WDR19: variants seen among roughly 807,000 people sequenced by gnomAD.
The protein encoded by WDR19 is WD repeat-containing protein 19.
WDR19 carries 121 observed loss-of-function variants against 180.0 expected under a neutral mutation model. The observed-to-expected ratio is 0.67, with a 90% confidence interval of 0.58 to 0.78. The LOEUF (loss-of-function observed/expected upper bound fraction) is 0.78. Among genes scored for constraint, WDR19 ranks in the 30% least tolerant of loss-of-function variants. The pLI, the probability that WDR19 is intolerant of heterozygous loss-of-function variation, is 0.00. For synonymous variants in WDR19, 497 were observed against 540.7 expected (o/e 0.92, Z 1.12); for missense variants, 1,450 against 1,640.7 (o/e 0.88, Z 2.01).
chr4:39,277,727 A>C (rs1736039182), intron 34 of WDR19, among the ~76,000 whole-genome samples: 1 of 152,170 alleles, frequency 6.6e-6, no homozygotes, highest in African/African-American at 2.4e-5. Flanking sequence ...TATAATTTAG[A>C]GGTCTGACTT....
intron 1 of WDR19, 74 bp downstream of exon 1, chr4:39,182,637 A>G (rs916745475): frequency 1.9e-6 from 3 of 1,598,836 alleles, no homozygotes; most frequent in African/African-American, 1.3e-5. Flanking sequence ...TTAAAAGAGG[A>G]TATCTGTCCC....
intron 15 of WDR19, among the ~76,000 whole-genome samples, chr4:39,227,054 A>G (rs1577930119): frequency 6.6e-6 from 1 of 152,194 alleles, no homozygotes; most frequent in Non-Finnish European, 1.5e-5. Flanking sequence ...TGAATATAAA[A>G]AAAGTAATGA....
In WDR19 at chr4:39,209,339, G is replaced by A. The variant is rs958483975; in HGVS notation, c.890+3603G>A. ...AAATACGTGGGAGGCAGCTAAAGCA[G>A]CCTAGAAGAAAATTTATAGCACTAA... is the stretch of plus-strand genomic sequence containing the variant. On this transcript the variant is annotated intron_variant, in intron 9 of 36. Coordinates refer to ENST00000399820, the MANE Select transcript of WDR19 (RefSeq NM_025132.4). Among the ~76,000 whole-genome samples the A allele has an allele frequency of 7.2e-5, 11 of 152,176 alleles. No homozygotes were observed. In the South Asian group the frequency reaches 2.3e-3, roughly 32 times the overall value.
chr4:39,273,816 T>G (rs1410475049), intron 32 of WDR19: 2 of 152,244 alleles, frequency 1.3e-5, no homozygotes, highest in Admixed American at 1.3e-4. Context: ...ACAAGCACGG[T>G]AGGACGTTGC....
At chr4:39,229,281 CTT>C (rs1391731461) in intron 17 of WDR19, among the ~76,000 whole-genome samples, 3 of 152,110 alleles carry the variant, frequency 2.0e-5, no homozygotes, top group Non-Finnish European at 2.9e-5. Context: ...GTGCAGGTGT[CTT>C]TTTGATAAAA....
At chr4:39,266,015 TCGGTTTAAGATG>T (rs1183596097) in intron 28 of WDR19, 36 bp from the exon 29 acceptor site, 4 of 1,486,606 alleles carry the variant, frequency 2.7e-6, no homozygotes, top group Non-Finnish European at 2.8e-6. Flanking sequence ...CCACTCTTGC[TCGGTTTAAGATG>T]CTGAATTTGC....
At chr4:39,241,538 C>G (rs1731950265) in intron 21 of WDR19, among the ~76,000 whole-genome samples, 1 of 148,948 alleles carries the variant, frequency 6.7e-6, no homozygotes, top group East Asian at 2.0e-4. Flanking sequence ...CACAGTGGCT[C>G]ACGCTGGTAA....
chr4:39,269,992 A>G lies in WDR19; in HGVS notation c.3375A>G (p.Ala1125=), dbSNP rs947414888. 6.8e-6 allele frequency: 11 copies of G among 1,613,774 alleles called. No homozygotes were observed. The Admixed American group carries it at 8.3e-5, about 12-fold the overall frequency. The change falls in exon 31 of 37, where the codon GCA becomes GCG. Residue 1125 remains alanine, a synonymous_variant. Transcript: ENST00000399820. ...EEQSAGNYRN[A]HDVLFSMYAE... The stretch of plus-strand genomic sequence containing the variant: ...TTTTTCAAGGCAACTACCGGAATGC[A>G]CACGATGTTCTCTTCAGTATGTATG...
At chr4:39,227,670 T>C (rs913076384) in intron 15 of WDR19, among the ~76,000 whole-genome samples, 8 of 152,212 alleles carry the variant, frequency 5.3e-5, no homozygotes, top group Admixed American at 2.0e-4. Context: ...CTGTGGGTTT[T>C]GCTATCCGTG....
chr4:39,245,447 T>G lies in WDR19; in HGVS notation c.2724T>G (p.Asp908Glu), dbSNP rs755482179. 2.5e-6 allele frequency: 4 copies of G among 1,613,324 alleles called. No homozygotes were observed. Among genetic ancestry groups the G allele is most frequent in the Non-Finnish European group, 3.4e-6 (4 of 1,179,580 alleles). The change falls in exon 24 of 37, where the codon GAT (aspartate) becomes GAG (glutamate). Residue 908 changes from aspartate to glutamate, a missense_variant. Asp to Glu is a conservative substitution (Grantham distance 45). Coordinates refer to ENST00000399820, the MANE Select transcript of WDR19 (RefSeq NM_025132.4). ...AGTATGCCAAAGCCAAGGAAGCAGA[T>G]GGAAGGTTTGTACACTTTCTCAAAT... Reference protein sequence around the residue: ...HLQYAKAKEADGRYKEAVVAY... With the variant: ...HLQYAKAKEAEGRYKEAVVAY...
chr4:39,285,669 G>A lies in WDR19; in HGVS notation c.*196G>A, dbSNP rs1737128157. On this transcript the variant is annotated 3_prime_UTR_variant, in exon 37 of 37. Transcript: ENST00000399820. ...GTAACCTTGCTGTTTATTGTACTTT[G>A]TATATTATTTCCTCTTCAAAGTCTT... 6.6e-6 allele frequency: 1 copy of A among 152,140 alleles called. No homozygotes were observed. The highest frequency in any genetic ancestry group is 2.4e-5 in the African/African-American group (1 of 41,430). 9.4% of individuals were successfully genotyped at this position (152,140 alleles called of 1,614,324 possible).
At chr4:39,228,801 AG>A in intron 17 of WDR19, 111 bp downstream of exon 17, 1 of 1,268,006 alleles carries the variant, frequency 7.9e-7, no homozygotes, top group South Asian at 2.0e-5. Context: ...TATCCTTGCA[AG>A]AATTTTTTTT....
At chr4:39,185,652 A>T (rs964126603) in intron 1 of WDR19, 74 bp from the exon 2 acceptor site, 24 of 1,368,602 alleles carry the variant, frequency 1.8e-5, no homozygotes, top group Non-Finnish European at 2.4e-5. Flanking sequence ...TTTCATGACC[A>T]TGTTTTGATA....
intron 11 of WDR19, 29 bp downstream of exon 11, chr4:39,216,042 T>G: frequency 1.3e-6 from 2 of 1,538,472 alleles, no homozygotes; most frequent in Non-Finnish European, 1.7e-6. Context: ...TTTTCTTTTA[T>G]TTATTAATAA....
In WDR19 at chr4:39,281,236, T is replaced by TATAGAGAGAGAGAGAGAGAGAG. The variant is rs762298152; in HGVS notation, c.*13+2574_*13+2575insTAGAGAGAGAGAGAGAGAGAGA. The stretch of plus-strand genomic sequence containing the variant: ...GTGTGTATATATATATATATATATA[T>TATAGAGAGAGAGAGAGAGAGAG]AGAGAGAGAGAGAGAGAGAGAGAGA... On this transcript the variant is annotated intron_variant, in intron 36 of 36. Coordinates refer to ENST00000399820, the MANE Select transcript of WDR19 (RefSeq NM_025132.4). 2.1e-3 allele frequency among the ~76,000 whole-genome samples: 214 copies of TATAGAGAGAGAGAGAGAGAGAG among 103,790 alleles called. 1 individual carries two copies. Among genetic ancestry groups the TATAGAGAGAGAGAGAGAGAGAG allele is most frequent in the Middle Eastern group, 4.2e-3 (1 of 240 alleles). The allele number at this position is 103,790 out of a possible 152,430, so 68.1% of individuals were successfully genotyped here. A position where few individuals can be genotyped will look rare whatever the true frequency, so the allele number is the denominator to read the frequency against.
At chr4:39,247,956 C>A (rs1455864575) in intron 24 of WDR19, among the ~76,000 whole-genome samples, 6 of 151,974 alleles carry the variant, frequency 3.9e-5, no homozygotes, top group African/African-American at 1.5e-4. Flanking sequence ...GAGAACTTCC[C>A]CAATCTAGCA....
intron 36 of WDR19, among the ~76,000 whole-genome samples, chr4:39,282,391 T>C (rs1023356530): frequency 6.6e-6 from 1 of 152,192 alleles, no homozygotes; most frequent in African/African-American, 2.4e-5. Context: ...CATCACTGTT[T>C]TGCAGGGTTT....
rs187542895 is a variant in WDR19 at position 39,272,625 on chromosome 4, T to C, written c.3484-355T>C. ...CGGCGCCTTTCCTTTAGCAGATCAT[T>C]CTCTCTCTCTCTACCTGATTCCTGA... is the stretch of plus-strand genomic sequence containing the variant. On this transcript the variant is annotated intron_variant, in intron 31 of 36. Coordinates refer to ENST00000399820, the MANE Select transcript of WDR19 (RefSeq NM_025132.4). Among the ~76,000 whole-genome samples, 32 of 152,070 alleles carry C rather than the reference T, an allele frequency of 2.1e-4. 1 individual carries two copies. The highest frequency in any genetic ancestry group is 7.5e-4 in the African/African-American group (31 of 41,498).
intron 1 of WDR19, 90 bp downstream of exon 1, chr4:39,182,653 C>T: frequency 4.5e-6 from 7 of 1,561,930 alleles, no homozygotes; most frequent in Non-Finnish European, 5.2e-6. Context: ...GTCCCTCTCC[C>T]TTCTGAGTTC....
Sources: allele counts gnomAD v4.1 joint callset (sites outside exome capture counted in the v4.1 genomes callset), GRCh38; gene constraint gnomAD v4.1.1; transcripts MANE v1.5; gene names NCBI Gene and HGNC (gene_info 2026-07-23, HGNC 2026-07-21).